Variants in TMEM132B observed in about 807,000 individuals in gnomAD.
TMEM132B encodes the protein transmembrane protein 132B.
A neutral mutation model predicts 90.8 loss-of-function variants in TMEM132B; 18 were observed. That is an observed-to-expected ratio of 0.20 (90% confidence interval 0.14 to 0.29). The LOEUF (loss-of-function observed/expected upper bound fraction) is 0.29. TMEM132B is among the 10% of genes least tolerant of loss of function. The pLI, the probability that TMEM132B is intolerant of heterozygous loss-of-function variation, is 1.00. For synonymous variants in TMEM132B, 504 were observed against 523.3 expected (o/e 0.96, Z 0.50); for missense variants, 1,096 against 1,326.8 (o/e 0.83, Z 2.70).
intron 3 of TMEM132B, among the ~76,000 whole-genome samples, chr12:125,429,739 G>C (rs192477128): frequency 6.6e-6 from 1 of 152,296 alleles, no homozygotes; most frequent in East Asian, 1.9e-4. Context: ...AGGCCACAGA[G>C]GTAAGGTGCC....
At chr12:125,448,259 A>G (rs988398392) in intron 3 of TMEM132B, among the ~76,000 whole-genome samples, 1 of 152,168 alleles carries the variant, frequency 6.6e-6, no homozygotes, top group Non-Finnish European at 1.5e-5. Context: ...CAAAAAAAAA[A>G]AAATTCATTT....
chr12:125,188,869 A>AAAAG (rs1957778268), intron 1 of TMEM132B, among the ~76,000 whole-genome samples: 1 of 151,422 alleles, frequency 6.6e-6, no homozygotes, highest in African/African-American at 2.4e-5. Flanking sequence ...AAAAAAAAAA[A>AAAAG]AAAAGAAAAA....
At chr12:125,603,034 A>G (rs1019878168) in intron 5 of TMEM132B, among the ~76,000 whole-genome samples, 2 of 152,240 alleles carry the variant, frequency 1.3e-5, no homozygotes, top group African/African-American at 4.8e-5. Flanking sequence ...ATACTGCCCA[A>G]AGTAATTTAT....
chr12:125,526,622 A>T lies in TMEM132B; in HGVS notation c.1293+6997A>T, dbSNP rs75269391. On this transcript the variant is annotated intron_variant, in intron 4 of 8. Transcript: ENST00000682704. Reference sequence around the variant, plus strand: ...TTATGATTTAGGACTTTGCTGCCACAGGTGTGTGATCCTGGATTGTGTTGG... The same window carrying T: ...TTATGATTTAGGACTTTGCTGCCACTGGTGTGTGATCCTGGATTGTGTTGG... 3.8e-3 allele frequency among the ~76,000 whole-genome samples: 583 copies of T among 152,322 alleles called. 3 individuals are homozygous for T. Among genetic ancestry groups the T allele is most frequent in the African/African-American group, 0.013 (539 of 41,570 alleles).
chr12:125,437,716 A>T (rs370061114), intron 3 of TMEM132B, among the ~76,000 whole-genome samples: 75 of 152,346 alleles, frequency 4.9e-4, no homozygotes, highest in African/African-American at 1.8e-3. Context: ...AAGAAGCCAG[A>T]CATCAAGGGC....
At chr12:125,595,916 T>G (rs1478909845) in intron 5 of TMEM132B, among the ~76,000 whole-genome samples, 1 of 151,240 alleles carries the variant, frequency 6.6e-6, no homozygotes, top group African/African-American at 2.4e-5. Context: ...CAAACTAACT[T>G]TACCCTGAGT....
intron 3 of TMEM132B, among the ~76,000 whole-genome samples, chr12:125,433,470 C>T (rs993522164): frequency 8.6e-5 from 13 of 151,962 alleles, no homozygotes; most frequent in Middle Eastern, 3.4e-3. Context: ...CTCCCTAGAA[C>T]GCTACCCTCA....
rs187204303 is a variant in TMEM132B at position 125,590,738 on chromosome 12, G to T, written c.1437+6744G>T. 2.6e-5 allele frequency among the ~76,000 whole-genome samples: 4 copies of T among 152,324 alleles called. No homozygotes were observed. The East Asian group carries it at 7.7e-4, about 29-fold the overall frequency. On this transcript the variant is annotated intron_variant, in intron 5 of 8. Coordinates refer to ENST00000682704, the MANE Select transcript of TMEM132B (RefSeq NM_001366854.1). ...TGAGTATTAATAGGTAACATTTATT[G>T]AGCATTTATTAAGTACCAGGTACCA...
intron 1 of TMEM132B, among the ~76,000 whole-genome samples, chr12:125,324,341 C>T (rs1354739264): frequency 6.6e-6 from 1 of 152,196 alleles, no homozygotes; most frequent in Non-Finnish European, 1.5e-5. Context: ...AGTAGAATTA[C>T]TGCCTCCACG....
chr12:125,487,496 C>T lies in TMEM132B; in HGVS notation c.1107-31943C>T, dbSNP rs913043065. On this transcript the variant is annotated intron_variant, in intron 3 of 8. Coordinates refer to ENST00000682704, the MANE Select transcript of TMEM132B (RefSeq NM_001366854.1). ...ACAAACAAGTCCAAGTAGTAATCAG[C>T]GATGCTAGCCACTTCTGTCCTATGT... 6.3e-4 allele frequency among the ~76,000 whole-genome samples: 96 copies of T among 152,208 alleles called. 2 individuals are homozygous for T. The highest frequency in any genetic ancestry group is 4.1e-4 in the South Asian group (2 of 4,828).
At chr12:125,355,620 A>G (rs1002353818) in intron 2 of TMEM132B, among the ~76,000 whole-genome samples, 5 of 152,172 alleles carry the variant, frequency 3.3e-5, no homozygotes, top group Non-Finnish European at 4.4e-5. Context: ...TCTCGAAATA[A>G]GATACTTTTC....
chr12:125,318,009 A>C (rs1876330544), intron 1 of TMEM132B, among the ~76,000 whole-genome samples: 1 of 152,224 alleles, frequency 6.6e-6, no homozygotes, highest in Non-Finnish European at 1.5e-5. Flanking sequence ...TGGGATACCA[A>C]ATAGTAGCAA....
At chr12:125,400,669 G>C (rs959379334) in intron 2 of TMEM132B, among the ~76,000 whole-genome samples, 1 of 152,182 alleles carries the variant, frequency 6.6e-6, no homozygotes, top group African/African-American at 2.4e-5. Flanking sequence ...CAGCCTCCAG[G>C]TGCTTAGTGG....
At chr12:125,301,133 T>C (rs1394340146) in intron 1 of TMEM132B, 1 of 152,182 alleles carries the variant, frequency 6.6e-6, no homozygotes, top group African/African-American at 2.4e-5. Context: ...TAATATCTCA[T>C]AAAAGCTGAC....
intron 4 of TMEM132B, among the ~76,000 whole-genome samples, chr12:125,526,007 G>A (rs936457101): frequency 2.6e-5 from 4 of 152,192 alleles, no homozygotes; most frequent in African/African-American, 9.6e-5. Flanking sequence ...CCTGCTTTCT[G>A]TCCCTGAGCG....
chr12:125,330,078 A>G (rs1876717213), intron 1 of TMEM132B, among the ~76,000 whole-genome samples: 1 of 152,156 alleles, frequency 6.6e-6, no homozygotes. Context: ...ACTGATGGAA[A>G]ACCCAGGTGT....
At chr12:125,528,585 C>T (rs1179648132) in intron 4 of TMEM132B, among the ~76,000 whole-genome samples, 1 of 152,188 alleles carries the variant, frequency 6.6e-6, no homozygotes, top group African/African-American at 2.4e-5. Context: ...AAGGCCTCAA[C>T]TCTCATGCTG....
At chr12:125,639,987 G>A (rs1219644347) in intron 5 of TMEM132B, among the ~76,000 whole-genome samples, 3 of 152,114 alleles carry the variant, frequency 2.0e-5, no homozygotes, top group East Asian at 1.9e-4. Flanking sequence ...CTAGGCCATC[G>A]AGGGCCCGGG....
Position 125,267,247 on chromosome 12 carries a change from G to A in TMEM132B, c.67+80381G>A, listed in dbSNP as rs528660373. Among the ~76,000 whole-genome samples, 5 of 152,278 alleles carry A rather than the reference G, an allele frequency of 3.3e-5. No individual in the cohort carries two copies. The East Asian group carries it at 9.7e-4, about 29-fold the overall frequency. ...TCTGTTACTCCCTAGGCTGGTGTCT[G>A]TGTGTCATGATTGGGGTTGCCTCAT... On this transcript the variant is annotated intron_variant, in intron 1 of 8. Coordinates refer to ENST00000682704, the MANE Select transcript of TMEM132B (RefSeq NM_001366854.1).
Sources: allele counts gnomAD v4.1 joint callset (sites outside exome capture counted in the v4.1 genomes callset), GRCh38; gene constraint gnomAD v4.1.1; transcripts MANE v1.5; gene names NCBI Gene and HGNC (gene_info 2026-07-23, HGNC 2026-07-21).